GRM8: variants seen among roughly 807,000 people sequenced by gnomAD.
GRM8 encodes metabotropic glutamate receptor 8.
A neutral mutation model predicts 87.2 loss-of-function variants in GRM8; 47 were observed. That is an observed-to-expected ratio of 0.54 (90% CI 0.43 to 0.69). GRM8 has a LOEUF of 0.69. Ranked by LOEUF, GRM8 falls within the 30% of genes least tolerant of loss-of-function variation. The pLI, the probability that GRM8 is intolerant of heterozygous loss-of-function variation, is 0.00. For missense variants in GRM8, 1,019 were observed against 1,139.2 expected, an observed-to-expected ratio of 0.89 and a Z score of 1.52; for synonymous variants, 396 against 404.5, an observed-to-expected ratio of 0.98 and a Z score of 0.25.
intron 6 of GRM8, among the ~76,000 whole-genome samples, chr7:126,832,185 A>G (rs1795453332): frequency 6.6e-6 from 1 of 151,562 alleles, no homozygotes; most frequent in African/African-American, 2.4e-5. Flanking sequence ...AAAAAAAAAA[A>G]GAAAAAGAAA....
chr7:126,777,694 T>C (rs554313631), intron 6 of GRM8, among the ~76,000 whole-genome samples: 1 of 152,260 alleles, frequency 6.6e-6, no homozygotes, highest in South Asian at 2.1e-4. Context: ...ACAATAAGTA[T>C]TAACAAATAC....
chr7:126,583,796 C>T (rs1323107117), intron 8 of GRM8, among the ~76,000 whole-genome samples: 3 of 152,100 alleles, frequency 2.0e-5, no homozygotes, highest in South Asian at 2.1e-4. Context: ...CTCCTGCTGA[C>T]GATTTGGTGA....
chr7:126,589,694 A>G (rs991903364), intron 8 of GRM8, among the ~76,000 whole-genome samples: 1 of 152,092 alleles, frequency 6.6e-6, no homozygotes, highest in Admixed American at 6.6e-5. Context: ...ATAAACAACA[A>G]TAATACAACT....
chr7:127,056,944 T>G (rs1307013590), intron 3 of GRM8, among the ~76,000 whole-genome samples: 1 of 152,150 alleles, frequency 6.6e-6, no homozygotes, highest in Non-Finnish European at 1.5e-5. Context: ...TCTCCTCACT[T>G]CACCACAGAA....
intron 3 of GRM8, among the ~76,000 whole-genome samples, chr7:127,033,175 T>C (rs1454597768): frequency 6.6e-6 from 1 of 152,068 alleles, no homozygotes; most frequent in Non-Finnish European, 1.5e-5. Context: ...TCTTCTTCTG[T>C]GTTAACTTCT....
intron 3 of GRM8, among the ~76,000 whole-genome samples, chr7:127,093,399 C>G (rs1480527882): frequency 6.6e-6 from 1 of 152,112 alleles, no homozygotes; most frequent in East Asian, 1.9e-4. Flanking sequence ...GCAGAGTTTC[C>G]TCTGACACTA....
chr7:127,055,803 C>G (rs1388790160), intron 3 of GRM8, among the ~76,000 whole-genome samples: 2 of 148,842 alleles, frequency 1.3e-5, no homozygotes, highest in Admixed American at 1.3e-4. Context: ...GGTTTGCTAT[C>G]TCTAAGGGGA....
intron 2 of GRM8, among the ~76,000 whole-genome samples, chr7:127,178,909 G>C (rs140046410): frequency 0.022 from 3,280 of 151,876 alleles, 61 homozygotes; most frequent in Non-Finnish European, 0.031. Context: ...AATCACACAG[G>C]ACCTATAAAA....
At chr7:127,034,191 T>C (rs1421130910) in intron 3 of GRM8, among the ~76,000 whole-genome samples, 1 of 152,194 alleles carries the variant, frequency 6.6e-6, no homozygotes, top group Non-Finnish European at 1.5e-5. Context: ...AAACCAACCA[T>C]GCTAAGCAGC....
At chr7:126,737,215 C>T (rs911033846) in intron 7 of GRM8, among the ~76,000 whole-genome samples, 43 of 152,118 alleles carry the variant, frequency 2.8e-4, no homozygotes, top group Admixed American at 2.6e-3. Flanking sequence ...GTGCTTCAGA[C>T]ATTTTCCAGA....
chr7:126,470,375 G>A (rs1219829066), intron 9 of GRM8, among the ~76,000 whole-genome samples: 3 of 128,202 alleles, frequency 2.3e-5, no homozygotes, highest in East Asian at 2.4e-4. Flanking sequence ...AGAGTGTGAG[G>A]TTCCCCTTCC....
At chr7:126,701,681 G>T (rs1809948164) in intron 7 of GRM8, 2 of 507,998 alleles carry the variant, frequency 3.9e-6, no homozygotes, top group African/African-American at 2.0e-5. Flanking sequence ...AATATTGTGA[G>T]AATTTTTTTT....
chr7:126,751,443 T>C (rs1816406362), intron 7 of GRM8, among the ~76,000 whole-genome samples: 1 of 152,138 alleles, frequency 6.6e-6, no homozygotes, highest in Non-Finnish European at 1.5e-5. Flanking sequence ...GCATGTTATG[T>C]ATGTACATGT....
intron 3 of GRM8, among the ~76,000 whole-genome samples, chr7:126,970,800 G>C (rs1810344189): frequency 6.6e-6 from 1 of 152,050 alleles, no homozygotes; most frequent in African/African-American, 2.4e-5. Context: ...ACAGAGGTAT[G>C]AATCTTCCTT....
At chr7:126,507,966 C>A (rs1409222115) in intron 9 of GRM8, among the ~76,000 whole-genome samples, 3 of 151,914 alleles carry the variant, frequency 2.0e-5, no homozygotes, top group Admixed American at 1.3e-4. Context: ...CATTTCGAAA[C>A]CCTCTATGTT....
At position 126,585,618 on chromosome 7, in the gene GRM8, A is replaced by C. The variant is rs1796032313; in HGVS notation, c.1494+23744T>G. 2.0e-5 allele frequency among the ~76,000 whole-genome samples: 3 copies of C among 152,308 alleles called. No individual in the cohort carries two copies. In the South Asian group the frequency reaches 6.2e-4, roughly 32 times the overall value. On this transcript the variant is annotated intron_variant, in intron 8 of 10. Transcript: ENST00000339582. ...CAATAGACACAGAAAATGCCTTTGA[A>C]AAAATTCAACAGCCCTTCATGCTAA...
At chr7:126,567,098 A>G (rs189464544) in intron 8 of GRM8, among the ~76,000 whole-genome samples, 211 of 152,296 alleles carry the variant, frequency 1.4e-3, no homozygotes, top group African/African-American at 4.7e-3. Context: ...GCAGGAATAA[A>G]TGAGAAATTA....
intron 2 of GRM8, among the ~76,000 whole-genome samples, chr7:127,166,020 T>A (rs547318652): frequency 6.6e-6 from 1 of 152,212 alleles, no homozygotes; most frequent in South Asian, 2.1e-4. Context: ...TTATAAAGTA[T>A]CAGGAGAATC....
chr7:127,067,275 CA>C (rs1175801175), intron 3 of GRM8, among the ~76,000 whole-genome samples: 2 of 152,224 alleles, frequency 1.3e-5, no homozygotes, highest in African/African-American at 4.8e-5. Context: ...TCTCAGGAAC[CA>C]AATCACACAT....
Sources: allele counts gnomAD v4.1 joint callset (sites outside exome capture counted in the v4.1 genomes callset), GRCh38; gene constraint gnomAD v4.1.1; transcripts MANE v1.5; gene names NCBI Gene and HGNC (gene_info 2026-07-23, HGNC 2026-07-21).